The following CEP128 variants were observed in gnomAD, a reference collection of about 807,000 sequenced individuals.
CEP128 encodes the protein centrosomal protein 128kDa.
A neutral mutation model predicts 156.7 loss-of-function variants in CEP128; 132 were observed. The ratio of observed to expected loss-of-function variants is 0.84; its 90% CI spans 0.73 to 0.97. The LOEUF is 0.97. Ranked by LOEUF, CEP128 falls within the 50% of genes least tolerant of loss-of-function variation. CEP128 has a pLI of 0.00. For synonymous variants in CEP128, 469 were observed against 448.9 expected (o/e 1.04, Z -0.57); for missense variants, 1,252 against 1,281.9 (o/e 0.98, Z 0.36).
In CEP128 at chr14:80,836,568, T is replaced by G. The variant is rs560970286; in HGVS notation, c.925-231A>C. Among the ~76,000 whole-genome samples the G allele has an allele frequency of 4.6e-5, 7 of 152,274 alleles. No individual in the cohort carries two copies. The South Asian group carries it at 1.4e-3, about 32-fold the overall frequency. ...AGAATGGAATGTGACTAGATTTTTT[T>G]TTTCATCACTTATTTTGTCCTCAGT... On this transcript the variant is annotated intron_variant, in intron 11 of 24. Coordinates refer to ENST00000555265, the MANE Select transcript of CEP128 (RefSeq NM_152446.5).
chr14:80,697,290 T>C (rs1896923617), intron 19 of CEP128, among the ~76,000 whole-genome samples: 2 of 152,242 alleles, frequency 1.3e-5, no homozygotes, highest in African/African-American at 4.8e-5. Flanking sequence ...ATTAAAACTA[T>C]AATGGTTGTT....
At chr14:80,603,133 T>C (rs1892644876) in intron 19 of CEP128, among the ~76,000 whole-genome samples, 1 of 152,196 alleles carries the variant, frequency 6.6e-6, no homozygotes, top group Non-Finnish European at 1.5e-5. Flanking sequence ...CTCTGGAGTG[T>C]GGCCTCAGCA....
chr14:80,911,785 A>G (rs1156233878), intron 4 of CEP128, among the ~76,000 whole-genome samples: 1 of 152,258 alleles, frequency 6.6e-6, no homozygotes, highest in African/African-American at 2.4e-5. Context: ...GGCAATGACA[A>G]TAAAAGTAAA....
At chr14:80,556,452 C>T (rs769768553) in intron 21 of CEP128, among the ~76,000 whole-genome samples, 8 of 152,178 alleles carry the variant, frequency 5.3e-5, no homozygotes, top group Middle Eastern at 3.4e-3. Context: ...ACCCTGGCAA[C>T]GCATTTGCAA....
intron 19 of CEP128, among the ~76,000 whole-genome samples, chr14:80,679,362 T>C (rs562414224): frequency 6.6e-6 from 1 of 152,290 alleles, no homozygotes; most frequent in South Asian, 2.1e-4. Flanking sequence ...TAAATTCTTT[T>C]CCCAGCAAGG....
At position 80,656,309 on chromosome 14, in the gene CEP128, A is replaced by ATTT. The variant is rs1191403906; in HGVS notation, c.2807-75887_2807-75886insAAA. Among the ~76,000 whole-genome samples, 12 of 14,102 alleles carry ATTT rather than the reference A, an allele frequency of 8.5e-4. 1 individual carries two copies. The highest frequency in any genetic ancestry group is 3.5e-3 in the African/African-American group (12 of 3,462). The allele number at this position is 14,102 out of a possible 152,430, so 9.3% of individuals were successfully genotyped here. A position where few individuals can be genotyped will look rare whatever the true frequency, so the allele number is the denominator to read the frequency against. ...TATATATTTATATATATATATATAT[A>ATTT]TATATATATATATATATATATATAT... On this transcript the variant is annotated intron_variant, in intron 19 of 24. Transcript: ENST00000555265.
At chr14:80,517,599 T>C (rs1303413775) in intron 23 of CEP128, among the ~76,000 whole-genome samples, 1 of 152,230 alleles carries the variant, frequency 6.6e-6, no homozygotes, top group Non-Finnish European at 1.5e-5. Flanking sequence ...TATTGTATAA[T>C]TTCAATCATT....
chr14:80,834,917 G>A (rs139849247), intron 12 of CEP128, among the ~76,000 whole-genome samples: 82 of 152,258 alleles, frequency 5.4e-4, no homozygotes, highest in African/African-American at 1.9e-3. Context: ...AAATCTCATG[G>A]TGACATTTTA....
At chr14:80,734,278 T>C (rs1422082596) in intron 19 of CEP128, among the ~76,000 whole-genome samples, 1 of 152,030 alleles carries the variant, frequency 6.6e-6, no homozygotes, top group Non-Finnish European at 1.5e-5. Context: ...GAATACAGAA[T>C]AATAAAACTA....
At chr14:80,545,064 T>A (rs1292577395) in intron 21 of CEP128, among the ~76,000 whole-genome samples, 4 of 152,196 alleles carry the variant, frequency 2.6e-5, no homozygotes, top group African/African-American at 9.6e-5. Flanking sequence ...CTCAACCTTT[T>A]ACCATCATTC....
At chr14:80,882,240 T>G (rs1398044245) in intron 8 of CEP128, among the ~76,000 whole-genome samples, 2 of 151,966 alleles carry the variant, frequency 1.3e-5, no homozygotes, top group Non-Finnish European at 2.9e-5. Flanking sequence ...AAAAATCTCA[T>G]AATCCAATTT....
In CEP128 at chr14:80,831,665, A is replaced by G. The variant is rs114968605; in HGVS notation, c.1058-371T>C. Among the ~76,000 whole-genome samples, 1,152 of 152,162 alleles carry G rather than the reference A, an allele frequency of 7.6e-3. 14 individuals carry two copies. The highest frequency in any genetic ancestry group is 0.026 in the African/African-American group (1,091 of 41,538). On this transcript the variant is annotated intron_variant, in intron 12 of 24. Coordinates refer to ENST00000555265, the MANE Select transcript of CEP128 (RefSeq NM_152446.5). The stretch of plus-strand genomic sequence containing the variant: ...TCAACTAAGCTACTTCATCTACAAA[A>G]TATTTTTTTTGCAACATAAACAACA...
intron 19 of CEP128, among the ~76,000 whole-genome samples, chr14:80,674,717 T>A (rs1359417796): frequency 6.6e-6 from 1 of 152,144 alleles, no homozygotes; most frequent in Non-Finnish European, 1.5e-5. Context: ...TTTCAGCCCA[T>A]CTAACTTGTT....
At chr14:80,681,902 G>C (rs138251550) in intron 19 of CEP128, among the ~76,000 whole-genome samples, 1 of 152,118 alleles carries the variant, frequency 6.6e-6, no homozygotes, top group African/African-American at 2.4e-5. Context: ...GCAGGATTTT[G>C]AGACCAGTCT....
chr14:80,623,278 G>A (rs1457835129), intron 19 of CEP128, among the ~76,000 whole-genome samples: 1 of 144,192 alleles, frequency 6.9e-6, no homozygotes, highest in South Asian at 2.3e-4. Context: ...ATGGACACAG[G>A]AAGGGGAACA....
chr14:80,713,800 T>C (rs1015968598), intron 19 of CEP128, among the ~76,000 whole-genome samples: 13 of 152,186 alleles, frequency 8.5e-5, no homozygotes, highest in Non-Finnish European at 1.8e-4. Context: ...AAGATAGTGA[T>C]TTTGTTTTTA....
intron 19 of CEP128, among the ~76,000 whole-genome samples, chr14:80,708,689 T>C (rs1308204585): frequency 6.6e-6 from 1 of 152,152 alleles, no homozygotes; most frequent in Non-Finnish European, 1.5e-5. Context: ...TACTCCCTGA[T>C]TGCCTCTGAA....
intron 19 of CEP128, among the ~76,000 whole-genome samples, chr14:80,702,240 T>C (rs1018454957): frequency 3.9e-5 from 6 of 152,198 alleles, no homozygotes; most frequent in Non-Finnish European, 8.8e-5. Context: ...AGCCTGACAT[T>C]GTAGTAGGCA....
chr14:80,561,379 G>A (rs1428389101), intron 20 of CEP128, among the ~76,000 whole-genome samples: 10 of 152,274 alleles, frequency 6.6e-5, no homozygotes, highest in Admixed American at 3.9e-4. Flanking sequence ...TAATAAATGC[G>A]TATGATGCCT....
Sources: gnomAD v4.1 joint callset for allele counts (sites outside exome capture counted in the v4.1 genomes callset) on GRCh38, gnomAD v4.1.1 for gene constraint, MANE v1.5 for transcripts, NCBI Gene and HGNC (gene_info 2026-07-23, HGNC 2026-07-21) for gene names.